Variants in SEC24A observed in about 807,000 individuals in gnomAD.
SEC24A encodes protein transport protein Sec24A.
A neutral mutation model predicts 129.4 loss-of-function variants in SEC24A; 93 were observed. That is an observed-to-expected ratio of 0.72 (90% CI 0.61 to 0.85). The LOEUF (loss-of-function observed/expected upper bound fraction) is 0.85, where lower values mean the gene tolerates loss of function less well. SEC24A is among the 40% of genes least tolerant of loss of function. SEC24A has a pLI of 0.00. For synonymous variants in SEC24A, 460 were observed against 467.3 expected (o/e 0.98, Z 0.20); for missense variants, 1,264 against 1,307.4 (o/e 0.97, Z 0.51).
rs542798269 is a variant in SEC24A, at chr5:134,722,919, C to T, written c.3064-648C>T. On this transcript the variant is annotated intron_variant, in intron 21 of 22. Transcript: ENST00000398844. ...CTGTTATCCCAGAACTTTGGGAGGC[C>T]GAGGTGGGCAGATTGCTTAAGCCCA... 1.9e-3 allele frequency among the ~76,000 whole-genome samples: 288 copies of T among 151,394 alleles called. 1 individual carries two copies. Among genetic ancestry groups the T allele is most frequent in the South Asian group, 5.4e-3 (26 of 4,778 alleles).
At chr5:134,711,012 TGTAGTCACA>T (rs2150109072) in intron 18 of SEC24A, among the ~76,000 whole-genome samples, 1 of 152,176 alleles carries the variant, frequency 6.6e-6, no homozygotes, top group African/African-American at 2.4e-5. Flanking sequence ...GGCACATACC[TGTAGTCACA>T]GCTACTTGGG....
At chr5:134,684,176 G>T (rs1305453121) in intron 9 of SEC24A, among the ~76,000 whole-genome samples, 1 of 151,710 alleles carries the variant, frequency 6.6e-6, no homozygotes, top group Admixed American at 6.6e-5. Flanking sequence ...GGTGGTGAGT[G>T]CCTGTAATCC....
chr5:134,702,962 A>T (rs1256281184), intron 15 of SEC24A, among the ~76,000 whole-genome samples: 15 of 151,962 alleles, frequency 9.9e-5, no homozygotes, highest in Admixed American at 9.8e-4. Context: ...ACAGGATTTC[A>T]CCATGTTGCC....
intron 1 of SEC24A, among the ~76,000 whole-genome samples, chr5:134,658,958 T>A (rs561727277): frequency 6.6e-6 from 1 of 152,196 alleles, no homozygotes; most frequent in South Asian, 2.1e-4. Flanking sequence ...AGATAAGAGA[T>A]TTTAGGAACT....
In SEC24A at chr5:134,686,985, G is replaced by A. The variant is rs1046544745; in HGVS notation, c.1604+83G>A. 33 of 755,934 alleles carry A rather than the reference G, an allele frequency of 4.4e-5. 1 individual carries two copies. Among genetic ancestry groups the A allele is most frequent in the Admixed American group, 6.1e-5 (2 of 33,042 alleles). 46.8% of individuals were successfully genotyped at this position (755,934 alleles called of 1,614,324 possible). A position where few individuals can be genotyped will look rare whatever the true frequency, so the allele number is the denominator to read the frequency against. On this transcript the variant is annotated intron_variant, in intron 10 of 22. Transcript: ENST00000398844. ...TAGTTTTTGAAATTAAAAAATAAAA[G>A]CTGTATAATTATGTTCTAAAACTCC...
At chr5:134,676,723 A>G (rs1351779908) in intron 7 of SEC24A, among the ~76,000 whole-genome samples, 2 of 152,118 alleles carry the variant, frequency 1.3e-5, no homozygotes, top group Non-Finnish European at 2.9e-5. Context: ...GGCCTGAGCC[A>G]CTACACCCGG....
chr5:134,648,963 C>A lies in SEC24A; in HGVS notation c.-114C>A. 2 of 695,458 alleles carry A rather than the reference C, an allele frequency of 2.9e-6. No individual in the cohort carries two copies. The highest frequency in any genetic ancestry group is 3.0e-5 in the East Asian group (1 of 33,798). The allele number at this position is 695,458 out of a possible 1,614,324, so 43.1% of individuals were successfully genotyped here. On this transcript the variant is annotated 5_prime_UTR_variant, in exon 1 of 23. Transcript: ENST00000398844. The stretch of plus-strand genomic sequence containing the variant: ...GCTTAATGCGCCCCCCCCTCTTCTC[C>A]CAGTCTTCAGTCTTAAGTCGTTAGC...
chr5:134,659,742 C>T (rs1486570470), intron 1 of SEC24A, among the ~76,000 whole-genome samples: 1 of 150,912 alleles, frequency 6.6e-6, no homozygotes, highest in Admixed American at 6.7e-5. Context: ...GCAGCCTTAA[C>T]CTCCTGTGCT....
At chr5:134,716,426 G>C (rs1162223777) in intron 19 of SEC24A, among the ~76,000 whole-genome samples, 2 of 147,372 alleles carry the variant, frequency 1.4e-5, no homozygotes, top group East Asian at 2.0e-4. Context: ...CCAAGATTAT[G>C]CCACTACACT....
intron 19 of SEC24A, among the ~76,000 whole-genome samples, chr5:134,716,800 C>CAA (rs200176385): frequency 7.0e-4 from 41 of 58,758 alleles, no homozygotes; most frequent in East Asian, 3.0e-3. Context: ...GATTCCATCT[C>CAA]AAAAAAAAAA....
At chr5:134,700,708 TA>T (rs1163547730) in intron 15 of SEC24A, among the ~76,000 whole-genome samples, 4 of 151,548 alleles carry the variant, frequency 2.6e-5, no homozygotes, top group East Asian at 1.9e-4. Context: ...TTTATTTATT[TA>T]TTTTTTTTAC....
At position 134,725,167 on chromosome 5, in the gene SEC24A, T is replaced by A; in HGVS notation, c.*73T>A. On this transcript the variant is annotated 3_prime_UTR_variant, in exon 23 of 23. Coordinates refer to ENST00000398844, the MANE Select transcript of SEC24A (RefSeq NM_021982.3). Reference sequence around the variant, plus strand: ...AGAATACCTGGAAATGTGTAATACCTTCTTTTTCTATTATGTTTGTGGACT... The same window carrying A: ...AGAATACCTGGAAATGTGTAATACCATCTTTTTCTATTATGTTTGTGGACT... 1.3e-6 allele frequency: 1 copy of A among 743,898 alleles called. No homozygotes were observed. The highest frequency in any genetic ancestry group is 2.3e-6 in the Non-Finnish European group (1 of 430,320). The allele number at this position is 743,898 out of a possible 1,614,324, so 46.1% of individuals were successfully genotyped here. A position where few individuals can be genotyped will look rare whatever the true frequency, so the allele number is the denominator to read the frequency against.
intron 9 of SEC24A, among the ~76,000 whole-genome samples, chr5:134,682,855 C>A (rs1430237795): frequency 6.6e-6 from 1 of 152,144 alleles, no homozygotes; most frequent in East Asian, 1.9e-4. Flanking sequence ...GTGTGAGCCG[C>A]TGTGCCCAGC....
chr5:134,725,955 T>G lies in SEC24A; in HGVS notation c.*861T>G, dbSNP rs1472806102. ...TCTGGGTATATAATAAAAGTGGGGGTTTTTGGTGAAATGAGTGAAGAAATG... is the reference window on the plus strand; with the variant it reads ...TCTGGGTATATAATAAAAGTGGGGGGTTTTGGTGAAATGAGTGAAGAAATG... On this transcript the variant is annotated 3_prime_UTR_variant, in exon 23 of 23. Coordinates refer to ENST00000398844, the MANE Select transcript of SEC24A (RefSeq NM_021982.3). 6.6e-6 allele frequency: 1 copy of G among 152,092 alleles called. No individual in the cohort carries two copies. The highest frequency in any genetic ancestry group is 1.5e-5 in the Non-Finnish European group (1 of 67,926). The allele number at this position is 152,092 out of a possible 1,614,324, so 9.4% of individuals were successfully genotyped here.
In SEC24A at chr5:134,719,985, CA is replaced by C. The variant is rs879319119; in HGVS notation, c.2971-1002del. On this transcript the variant is annotated intron_variant, in intron 20 of 22. Coordinates refer to ENST00000398844, the MANE Select transcript of SEC24A (RefSeq NM_021982.3). ...GGGCAACAAGAGCAAAACTACGTCT[CA>C]AAAAAAAAAATTAAAAGAAGTTTAT... Among the ~76,000 whole-genome samples the C allele has an allele frequency of 4.9e-5, 7 of 143,080 alleles. No individual in the cohort carries two copies. The South Asian group carries it at 8.7e-4, about 18-fold the overall frequency. The allele number at this position is 143,080 out of a possible 152,430, so 93.9% of individuals were successfully genotyped here.
intron 10 of SEC24A, 104 bp downstream of exon 10, chr5:134,687,006 A>C: frequency 3.6e-6 from 2 of 556,350 alleles, no homozygotes; most frequent in South Asian, 3.1e-5. Context: ...ATGTTCTAAA[A>C]CTCCACCCAA....
At chr5:134,681,500 G>A (rs1044110293) in intron 8 of SEC24A, among the ~76,000 whole-genome samples, 1 of 151,274 alleles carries the variant, frequency 6.6e-6, no homozygotes, top group Non-Finnish European at 1.5e-5. Context: ...GAAAAGTAAG[G>A]ATAGGCTAAG....
intron 7 of SEC24A, among the ~76,000 whole-genome samples, chr5:134,678,201 A>G (rs1751135259): frequency 1.3e-5 from 2 of 152,220 alleles, no homozygotes; most frequent in South Asian, 4.1e-4. Flanking sequence ...AAGACTTTAG[A>G]ACTTTTAATA....
chr5:134,694,092 C>G (rs574461498), intron 13 of SEC24A, among the ~76,000 whole-genome samples, 159 bp downstream of exon 13: 2 of 152,160 alleles, frequency 1.3e-5, no homozygotes, highest in African/African-American at 2.4e-5. Flanking sequence ...TTACATTTTT[C>G]TCTACCTGAT....
Sources: gnomAD v4.1 joint callset for allele counts (sites outside exome capture counted in the v4.1 genomes callset) on GRCh38, gnomAD v4.1.1 for gene constraint, MANE v1.5 for transcripts, NCBI Gene and HGNC (gene_info 2026-07-23, HGNC 2026-07-21) for gene names.